ABCC4: variants seen among roughly 807,000 people sequenced by gnomAD.
The protein encoded by ABCC4 is ATP binding cassette subfamily C member 4 (PEL blood group), also known as ATP-binding cassette sub-family C member 4.
ABCC4 carries 102 observed loss-of-function variants against 168.5 expected under a neutral mutation model. The ratio of observed to expected loss-of-function variants is 0.61; its 90% CI spans 0.52 to 0.71. The LOEUF (loss-of-function observed/expected upper bound fraction) is 0.71. Among genes scored for constraint, ABCC4 ranks in the 30% least tolerant of loss-of-function variants. ABCC4 has a pLI of 0.00. For synonymous variants in ABCC4, 617 were observed against 590.7 expected, an observed-to-expected ratio of 1.04 and a Z score of -0.65; for missense variants, 1,402 against 1,605.8, an observed-to-expected ratio of 0.87 and a Z score of 2.17.
At chr13:95,081,617 G>A (rs916694923) in intron 21 of ABCC4, among the ~76,000 whole-genome samples, 1 of 152,176 alleles carries the variant, frequency 6.6e-6, no homozygotes, top group Non-Finnish European at 1.5e-5. Context: ...AGCTTAGCTG[G>A]TTTTCTTGAT....
Position 95,201,019 on chromosome 13 carries a change from T to C in ABCC4, c.1161+5513A>G, listed in dbSNP as rs114614888. The stretch of plus-strand genomic sequence containing the variant: ...TTTCTTACCAGTCATGCCTGGCCAT[T>C]TGTTTCTCCTTTACTGAAAATCACT... On this transcript the variant is annotated intron_variant, in intron 8 of 30. Transcript: ENST00000645237. Among the ~76,000 whole-genome samples the C allele has an allele frequency of 4.8e-3, 727 of 152,248 alleles. 9 individuals are homozygous for C. The highest frequency in any genetic ancestry group is 0.017 in the African/African-American group (702 of 41,536).
At chr13:95,169,327 C>T (rs2037388903) in intron 14 of ABCC4, among the ~76,000 whole-genome samples, 1 of 152,208 alleles carries the variant, frequency 6.6e-6, no homozygotes, top group Non-Finnish European at 1.5e-5. Flanking sequence ...CAAATTACTT[C>T]TGCTGTAGCT....
chr13:95,260,413 C>A (rs528267826), intron 1 of ABCC4, among the ~76,000 whole-genome samples: 2 of 152,138 alleles, frequency 1.3e-5, no homozygotes, highest in Non-Finnish European at 2.9e-5. Flanking sequence ...ACCCAAGTGG[C>A]GGTCCTTAAA....
intron 19 of ABCC4, among the ~76,000 whole-genome samples, chr13:95,133,695 G>A (rs1054193193): frequency 6.6e-5 from 10 of 152,196 alleles, no homozygotes; most frequent in East Asian, 3.9e-4. Context: ...AGAGCAAAGC[G>A]AAGAACAACA....
chr13:95,230,248 C>A (rs926802385), intron 4 of ABCC4, among the ~76,000 whole-genome samples: 1 of 152,166 alleles, frequency 6.6e-6, no homozygotes, highest in Admixed American at 6.5e-5. Flanking sequence ...CCACCATGAA[C>A]CATTTCAACA....
At chr13:95,026,316 A>G (rs1000220333) in intron 30 of ABCC4, among the ~76,000 whole-genome samples, 2 of 152,170 alleles carry the variant, frequency 1.3e-5, no homozygotes. Context: ...AATGCTGAAA[A>G]AACAGTGTGA....
In ABCC4 at chr13:95,021,686, GA is replaced by G. The variant is rs4148550; in HGVS notation, c.3871-5del. ...GATAATTTCTTTTGAAGTATACCTA[GA>G]AAAAAAAAAGGTAAGCATAAAAAGA... On this transcript the variant is annotated splice_polypyrimidine_tract_variant and splice_region_variant and intron_variant, in intron 30 of 30. Coordinates refer to ENST00000645237, the MANE Select transcript of ABCC4 (RefSeq NM_005845.5). 7.7e-7 allele frequency: 1 copy of G among 1,298,900 alleles called. No homozygotes were observed. The allele number at this position is 1,298,900 out of a possible 1,614,324, so 80.5% of individuals were successfully genotyped here.
intron 19 of ABCC4, among the ~76,000 whole-genome samples, chr13:95,117,908 A>G (rs934071691): frequency 6.6e-6 from 1 of 152,094 alleles, no homozygotes; most frequent in Non-Finnish European, 1.5e-5. Context: ...GCGAGACCTC[A>G]TCTCTACAAA....
At chr13:95,193,351 T>A (rs1751014) in intron 9 of ABCC4, among the ~76,000 whole-genome samples, 6 of 152,242 alleles carry the variant, frequency 3.9e-5, no homozygotes, top group East Asian at 1.9e-4. Flanking sequence ...CAGCCTGAGC[T>A]GTTCCAGTAC....
In ABCC4 at chr13:95,094,509, A is replaced by G. The variant is rs946441602; in HGVS notation, c.2536-11219T>C. The stretch of plus-strand genomic sequence containing the variant: ...GGATCCTTATCTCTGACCTTATACA[A>G]AAATCAACTCAAGATGGATCAGAGA... On this transcript the variant is annotated intron_variant, in intron 20 of 30. Transcript: ENST00000645237. Among the ~76,000 whole-genome samples, 8 of 152,334 alleles carry G rather than the reference A, an allele frequency of 5.3e-5. No individual in the cohort carries two copies. The South Asian group carries it at 1.5e-3, about 28-fold the overall frequency.
At chr13:95,258,036 T>G (rs866873518) in intron 1 of ABCC4, among the ~76,000 whole-genome samples, 1 of 152,050 alleles carries the variant, frequency 6.6e-6, no homozygotes, top group African/African-American at 2.4e-5. Context: ...CCAGGTGCAT[T>G]TGTCCCAACA....
In ABCC4 at chr13:95,048,758, A is replaced by C. The variant is rs1729739; in HGVS notation, c.3457-4320T>G. Among the ~76,000 whole-genome samples the C allele has an allele frequency of 1.8e-4, 27 of 152,354 alleles. 1 individual carries two copies. In the East Asian group the frequency reaches 3.1e-3, roughly 17 times the overall value. On this transcript the variant is annotated intron_variant, in intron 27 of 30. Coordinates refer to ENST00000645237, the MANE Select transcript of ABCC4 (RefSeq NM_005845.5). ...GATTAGATAATTTCTCCACTATTCC[A>C]ACATGATATAACCTAGTCTTAATTG... is the stretch of plus-strand genomic sequence containing the variant.
intron 2 of ABCC4, 69 bp downstream of exon 2, chr13:95,247,574 G>T: frequency 8.0e-7 from 1 of 1,250,490 alleles, no homozygotes; most frequent in East Asian, 2.3e-5. Flanking sequence ...GACCCAGGAA[G>T]GCAAAACCCA....
At chr13:95,250,405 C>T (rs1052765035) in intron 1 of ABCC4, among the ~76,000 whole-genome samples, 13 of 152,114 alleles carry the variant, frequency 8.5e-5, no homozygotes, top group Admixed American at 2.6e-4. Context: ...TTTGGAATCC[C>T]CATTATGCCT....
intron 3 of ABCC4, among the ~76,000 whole-genome samples, chr13:95,244,542 G>A (rs567568073): frequency 6.7e-6 from 1 of 149,098 alleles, no homozygotes; most frequent in Non-Finnish European, 1.5e-5. Context: ...CTGCACTCCA[G>A]CCTGGCAACA....
At chr13:95,189,816 A>G (rs2038198573) in intron 9 of ABCC4, among the ~76,000 whole-genome samples, 1 of 152,200 alleles carries the variant, frequency 6.6e-6, no homozygotes, top group African/African-American at 2.4e-5. Flanking sequence ...TGTGTTACCC[A>G]TCCTGGGAAA....
rs140712030 is a variant in ABCC4, at chr13:95,259,178, G to T, written c.75-11425C>A. Reference sequence around the variant, plus strand: ...GAGGCAGGTGGATCACCTGAGGTCAGGAGTTTGAGACCAGCCTGACGAACA... The same window carrying T: ...GAGGCAGGTGGATCACCTGAGGTCATGAGTTTGAGACCAGCCTGACGAACA... On this transcript the variant is annotated intron_variant, in intron 1 of 30. Coordinates refer to ENST00000645237, the MANE Select transcript of ABCC4 (RefSeq NM_005845.5). Among the ~76,000 whole-genome samples, 107 of 152,298 alleles carry T rather than the reference G, an allele frequency of 7.0e-4. 1 individual carries two copies. The highest frequency in any genetic ancestry group is 2.5e-3 in the African/African-American group (105 of 41,564).
chr13:95,170,252 T>C (rs1594226268), intron 14 of ABCC4: 1 of 302,560 alleles, frequency 3.3e-6, no homozygotes, highest in Non-Finnish European at 6.1e-6. Flanking sequence ...TTCCAAATAA[T>C]ACAATTTGAA....
At chr13:95,288,896 T>C (rs77483771) in intron 1 of ABCC4, among the ~76,000 whole-genome samples, 30 of 152,362 alleles carry the variant, frequency 2.0e-4, no homozygotes, top group African/African-American at 6.7e-4. Context: ...TTATGTTTTA[T>C]AGTTGAACAA....
Sources: allele counts gnomAD v4.1 joint callset (sites outside exome capture counted in the v4.1 genomes callset), GRCh38; gene constraint gnomAD v4.1.1; transcripts MANE v1.5; gene names NCBI Gene and HGNC (gene_info 2026-07-23, HGNC 2026-07-21).